GRIA1: variants seen among roughly 807,000 people sequenced by gnomAD.
The protein encoded by GRIA1 is glutamate receptor 1.
Under a neutral mutation model 99.2 loss-of-function variants are expected in GRIA1, and 31 were observed. That is an observed-to-expected ratio of 0.31 (90% CI 0.23 to 0.42). The LOEUF is 0.42. Ranked by LOEUF, GRIA1 falls within the 10% of genes least tolerant of loss-of-function variation. The pLI, the probability that GRIA1 is intolerant of heterozygous loss-of-function variation, is 1.00. For synonymous variants in GRIA1, 438 were observed against 432.4 expected (o/e 1.01, Z -0.16); for missense variants, 782 against 1,157.5 (o/e 0.68, Z 4.71).
intron 2 of GRIA1, among the ~76,000 whole-genome samples, chr5:153,565,910 A>G (rs1761569523): frequency 2.0e-5 from 3 of 152,144 alleles, no homozygotes; most frequent in Admixed American, 2.0e-4. Context: ...CTTTTTGACT[A>G]CTATGACTAA....
chr5:153,553,194 C>A (rs1760309967), intron 2 of GRIA1, among the ~76,000 whole-genome samples: 1 of 152,128 alleles, frequency 6.6e-6, no homozygotes, highest in Admixed American at 6.5e-5. Flanking sequence ...GGTCTTCAGC[C>A]AAAAGAACAT....
intron 2 of GRIA1, among the ~76,000 whole-genome samples, chr5:153,543,881 C>T (rs1187632308): frequency 2.6e-5 from 4 of 151,384 alleles, no homozygotes; most frequent in South Asian, 2.1e-4. Context: ...AGCTTTCAGT[C>T]GAGTCTAGTG....
chr5:153,569,027 G>T (rs926509507), intron 2 of GRIA1, among the ~76,000 whole-genome samples: 1 of 152,122 alleles, frequency 6.6e-6, no homozygotes, highest in Non-Finnish European at 1.5e-5. Context: ...GCCTACCCAG[G>T]TTCTACGGCA....
intron 11 of GRIA1, among the ~76,000 whole-genome samples, chr5:153,707,165 T>C (rs1758956760): frequency 6.6e-6 from 1 of 152,030 alleles, no homozygotes. Context: ...GTGCCTCAGA[T>C]ATCACATTGA....
At chr5:153,599,042 T>C (rs1764664509) in intron 2 of GRIA1, among the ~76,000 whole-genome samples, 1 of 152,036 alleles carries the variant, frequency 6.6e-6, no homozygotes. Context: ...CCACCACGCC[T>C]GGCTAGTTTT....
intron 10 of GRIA1, among the ~76,000 whole-genome samples, chr5:153,700,252 G>A (rs1167257699): frequency 6.6e-6 from 1 of 152,180 alleles, no homozygotes; most frequent in African/African-American, 2.4e-5. Context: ...GCACATGGTG[G>A]CGGGCACCTG....
At chr5:153,697,174 T>C (rs1430842856) in intron 8 of GRIA1, among the ~76,000 whole-genome samples, 2 of 152,240 alleles carry the variant, frequency 1.3e-5, no homozygotes, top group Admixed American at 6.5e-5. Context: ...CATTTTTCCC[T>C]GTGTAAGATC....
At chr5:153,622,218 G>T (rs1204351151) in intron 2 of GRIA1, among the ~76,000 whole-genome samples, 1 of 152,174 alleles carries the variant, frequency 6.6e-6, no homozygotes, top group Admixed American at 6.5e-5. Flanking sequence ...GGATTCTGAT[G>T]CCCTGCACAC....
chr5:153,696,116 G>T (rs1758079016), intron 8 of GRIA1, among the ~76,000 whole-genome samples: 1 of 152,268 alleles, frequency 6.6e-6, no homozygotes, highest in Non-Finnish European at 1.5e-5. Context: ...CCTGGAGTTG[G>T]TCTCCCTGGC....
At position 153,808,343 on chromosome 5, in the gene GRIA1, A is replaced by AG. The variant is rs1360640509; in HGVS notation, c.2521-2678dup. Among the ~76,000 whole-genome samples, 4 of 151,678 alleles carry AG rather than the reference A, an allele frequency of 2.6e-5. No homozygotes were observed. In the East Asian group the frequency reaches 7.8e-4, roughly 30 times the overall value. The stretch of plus-strand genomic sequence containing the variant: ...AGGGAAAGCCACATTCCCAAAGGCT[A>AG]GGGGAGAAGTGACAGCAGTTTATGA... On this transcript the variant is annotated intron_variant, in intron 15 of 15. Transcript: ENST00000285900.
chr5:153,776,996 TG>T (rs1337307383), intron 13 of GRIA1, among the ~76,000 whole-genome samples: 6 of 152,146 alleles, frequency 3.9e-5, no homozygotes, highest in Admixed American at 3.9e-4. Context: ...AGAAAATAAT[TG>T]GGAAACAAAT....
chr5:153,768,872 C>T (rs1212643671), intron 12 of GRIA1, among the ~76,000 whole-genome samples: 1 of 152,164 alleles, frequency 6.6e-6, no homozygotes, highest in African/African-American at 2.4e-5. Context: ...ATTTAGAAAA[C>T]ATTTGTAATA....
At chr5:153,750,175 G>A (rs183499335) in intron 11 of GRIA1, among the ~76,000 whole-genome samples, 2 of 152,086 alleles carry the variant, frequency 1.3e-5, no homozygotes, top group Non-Finnish European at 2.9e-5. Flanking sequence ...GTTGCATTTG[G>A]CCAGCACTAA....
In GRIA1 at chr5:153,751,875, T is replaced by C. The variant is rs144821543; in HGVS notation, c.1824-12559T>C. ...AAGAGACAGCCTGCTTCCAGCACCTTACTCCCAGACCATGTCCGAATTCAT... is the reference window on the plus strand; with the variant it reads ...AAGAGACAGCCTGCTTCCAGCACCTCACTCCCAGACCATGTCCGAATTCAT... On this transcript the variant is annotated intron_variant, in intron 11 of 15. Transcript: ENST00000285900. Among the ~76,000 whole-genome samples the C allele has an allele frequency of 4.1e-3, 625 of 152,308 alleles. 9 individuals are homozygous for C. Among genetic ancestry groups the C allele is most frequent in the African/African-American group, 0.014 (590 of 41,560 alleles).
chr5:153,555,993 C>T (rs1760605344), intron 2 of GRIA1, among the ~76,000 whole-genome samples: 1 of 152,188 alleles, frequency 6.6e-6, no homozygotes, highest in African/African-American at 2.4e-5. Flanking sequence ...TAAAAGATTG[C>T]ACTGTGTCAG....
chr5:153,588,703 A>G (rs1242444063), intron 2 of GRIA1, among the ~76,000 whole-genome samples: 1 of 152,208 alleles, frequency 6.6e-6, no homozygotes, highest in African/African-American at 2.4e-5. Flanking sequence ...ATAATCCATG[A>G]TGTACTGAAA....
chr5:153,809,461 T>C (rs1766662512), intron 15 of GRIA1, among the ~76,000 whole-genome samples: 1 of 152,180 alleles, frequency 6.6e-6, no homozygotes, highest in Admixed American at 6.5e-5. Flanking sequence ...TTTAAAACAT[T>C]GTCAGAACTG....
At chr5:153,519,090 C>T (rs1756894626) in intron 2 of GRIA1, among the ~76,000 whole-genome samples, 1 of 152,060 alleles carries the variant, frequency 6.6e-6, no homozygotes. Flanking sequence ...CCGTGAAACC[C>T]CGTCTCTACC....
intron 2 of GRIA1, among the ~76,000 whole-genome samples, chr5:153,573,679 G>T (rs539107203): frequency 6.6e-6 from 1 of 152,262 alleles, no homozygotes; most frequent in Admixed American, 6.5e-5. Flanking sequence ...CCTACTAAGT[G>T]CCAGGCTCTA....
Sources: allele counts gnomAD v4.1 joint callset (sites outside exome capture counted in the v4.1 genomes callset), GRCh38; gene constraint gnomAD v4.1.1; transcripts MANE v1.5; gene names NCBI Gene and HGNC (gene_info 2026-07-23, HGNC 2026-07-21).